Variants in CALCR observed in about 807,000 individuals in gnomAD.
CALCR encodes the protein calcitonin receptor.
CALCR carries 47 observed loss-of-function variants against 59.5 expected under a neutral mutation model. That is an observed-to-expected ratio of 0.79 (90% CI 0.63 to 1.01). The LOEUF (loss-of-function observed/expected upper bound fraction) is 1.01. Ranked by LOEUF, CALCR falls within the 50% of genes least tolerant of loss-of-function variation. The pLI is 0.00. For synonymous variants in CALCR, 213 were observed against 211.3 expected (o/e 1.01, Z -0.07); for missense variants, 566 against 597.1 (o/e 0.95, Z 0.54).
At position 93,439,361 on chromosome 7, in the gene CALCR, A is replaced by T. The variant is rs1584537318; in HGVS notation, c.803-1091T>A. ...TTATTCACAGCAGTTCTAACATACC[A>T]TTTTCCCACTTGGGCTCAGAAAGAG... is the stretch of plus-strand genomic sequence containing the variant. On this transcript the variant is annotated intron_variant, in intron 9 of 13. Coordinates refer to ENST00000426151, the MANE Select transcript of CALCR (RefSeq NM_001742.4). Among the ~76,000 whole-genome samples, 5 of 152,170 alleles carry T rather than the reference A, an allele frequency of 3.3e-5. No homozygotes were observed. In the South Asian group the frequency reaches 1.0e-3, roughly 32 times the overall value.
chr7:93,511,676 G>A (rs1801550894), intron 2 of CALCR, among the ~76,000 whole-genome samples: 1 of 152,192 alleles, frequency 6.6e-6, no homozygotes, highest in Non-Finnish European at 1.5e-5. Context: ...CTTTAAAACA[G>A]TTATTAAACA....
intron 9 of CALCR, among the ~76,000 whole-genome samples, chr7:93,442,113 T>C (rs757033): frequency 0.66 from 100,209 of 151,934 alleles, 33,572 homozygotes; most frequent in East Asian, 0.88. Context: ...AAAACAGATA[T>C]GCAAGGAAAA....
intron 2 of CALCR, among the ~76,000 whole-genome samples, chr7:93,503,237 G>T (rs1303409387): frequency 1.3e-5 from 2 of 152,102 alleles, no homozygotes; most frequent in Non-Finnish European, 2.9e-5. Flanking sequence ...GGAATATGCT[G>T]TTCTCAGGGC....
At chr7:93,467,606 T>C (rs1390580000) in intron 7 of CALCR, among the ~76,000 whole-genome samples, 1 of 151,692 alleles carries the variant, frequency 6.6e-6, no homozygotes, top group Admixed American at 6.6e-5. Flanking sequence ...TAATGTACCA[T>C]CTTTACCATT....
intron 6 of CALCR, 42 bp from the exon 7 acceptor site, chr7:93,468,848 A>T: frequency 8.5e-7 from 1 of 1,171,740 alleles, no homozygotes; most frequent in Non-Finnish European, 1.2e-6. Flanking sequence ...TGAATGAATG[A>T]TTCATCAGAG....
chr7:93,436,005 T>C lies in CALCR; in HGVS notation c.1096A>G (p.Lys366Glu). 6.2e-7 allele frequency: 1 copy of C among 1,613,726 alleles called. No individual in the cohort carries two copies. The highest frequency in any genetic ancestry group is 8.5e-7 in the Non-Finnish European group (1 of 1,179,704). ...FVVFPWRPSN[K>E]MLGKIYDYVM... ...TAATCATATATCTTCCCAAGCATCT[T>C]GTTGGAAGGTCTCCAGGGAAAGACG... Residue 366 changes from lysine to glutamate, a missense_variant, in exon 12 of 14, where the codon AAG becomes GAG. Lys to Glu is a moderately conservative substitution (Grantham distance 56, BLOSUM62 1). Transcript: ENST00000426151.
At chr7:93,522,850 A>G (rs1801793669) in intron 2 of CALCR, among the ~76,000 whole-genome samples, 2 of 152,288 alleles carry the variant, frequency 1.3e-5, no homozygotes, top group South Asian at 4.1e-4. Context: ...TTTTAAAGTC[A>G]TGTTCTGTTA....
intron 2 of CALCR, among the ~76,000 whole-genome samples, chr7:93,498,465 G>A (rs2080617297): frequency 6.6e-6 from 1 of 151,616 alleles, no homozygotes; most frequent in Non-Finnish European, 1.5e-5. Flanking sequence ...TAAGAAAAAG[G>A]CATTGTAACC....
intron 2 of CALCR, among the ~76,000 whole-genome samples, chr7:93,548,810 T>C (rs1237978148): frequency 1.3e-5 from 2 of 151,080 alleles, no homozygotes; most frequent in Non-Finnish European, 3.0e-5. Flanking sequence ...TGTGAGTTGA[T>C]AATAATTGCA....
chr7:93,436,917 A>G (rs1223491212), intron 11 of CALCR, among the ~76,000 whole-genome samples: 1 of 152,192 alleles, frequency 6.6e-6, no homozygotes, highest in Non-Finnish European at 1.5e-5. Context: ...CCTCTGCCCA[A>G]AAGTGCTGCT....
chr7:93,424,508 A>G lies in CALCR; in HGVS notation c.*1848T>C, dbSNP rs1203544281. ...GAATGAATGAAAAGATGAATAATAT[A>G]TTTCTTTAGAAAAATATGCAAATAT... On this transcript the variant is annotated 3_prime_UTR_variant, in exon 14 of 14. Transcript: ENST00000426151. The G allele has an allele frequency of 2.0e-5, 3 of 152,470 alleles. No homozygotes were observed. The highest frequency in any genetic ancestry group is 2.9e-5 in the Non-Finnish European group (2 of 67,996). The allele number at this position is 152,470 out of a possible 1,614,324, so 9.4% of individuals were successfully genotyped here.
chr7:93,508,879 C>G (rs1389251070), intron 2 of CALCR, among the ~76,000 whole-genome samples: 1 of 152,052 alleles, frequency 6.6e-6, no homozygotes, highest in Non-Finnish European at 1.5e-5. Context: ...CAGTAATGTA[C>G]CCCTGTAGTA....
At chr7:93,564,125 T>A (rs10238107) in intron 2 of CALCR, among the ~76,000 whole-genome samples, 103,311 of 151,872 alleles carry the variant, frequency 0.68, 36,323 homozygotes, top group African/African-American at 0.87. Flanking sequence ...TCTGGGAATC[T>A]GGGTTTGATC....
chr7:93,567,324 T>C (rs1472217975), intron 2 of CALCR, among the ~76,000 whole-genome samples: 2 of 152,084 alleles, frequency 1.3e-5, no homozygotes, highest in Non-Finnish European at 2.9e-5. Flanking sequence ...TGGACACATT[T>C]AGGGAAGTCT....
chr7:93,434,070 G>A (rs1182198121), intron 13 of CALCR, among the ~76,000 whole-genome samples, 183 bp downstream of exon 13: 4 of 152,182 alleles, frequency 2.6e-5, no homozygotes, highest in Non-Finnish European at 5.9e-5. Context: ...ATTTGCCATT[G>A]TACTACACAT....
chr7:93,439,056 T>C (rs1799844473), intron 9 of CALCR, among the ~76,000 whole-genome samples: 1 of 152,200 alleles, frequency 6.6e-6, no homozygotes, highest in Admixed American at 6.5e-5. Context: ...GTCTTTTTAC[T>C]CAGATGTACA....
intron 3 of CALCR, among the ~76,000 whole-genome samples, chr7:93,481,872 T>C (rs540416873): frequency 6.6e-6 from 1 of 152,022 alleles, no homozygotes; most frequent in South Asian, 2.1e-4. Context: ...TTTTGATATA[T>C]GACACTTTCC....
chr7:93,433,128 C>G (rs73219954), intron 13 of CALCR, among the ~76,000 whole-genome samples: 33,062 of 151,988 alleles, frequency 0.22, 4,019 homozygotes, highest in East Asian at 0.39. Flanking sequence ...TGTCATGTTG[C>G]GGTTGGAAAC....
Position 93,465,949 on chromosome 7 carries a change from A to G in CALCR, c.521+2766T>C, listed in dbSNP as rs529793793. On this transcript the variant is annotated intron_variant, in intron 7 of 13. Coordinates refer to ENST00000426151, the MANE Select transcript of CALCR (RefSeq NM_001742.4). ...TGCAGGCCTCCTAGGAGGCCTGCTC[A>G]TTTGAGGAGGACAGCTGCAGGGTTC... 1.8e-4 allele frequency among the ~76,000 whole-genome samples: 27 copies of G among 151,808 alleles called. No homozygotes were observed. In the South Asian group the frequency reaches 5.6e-3, roughly 31 times the overall value.
Sources: gnomAD v4.1 joint callset for allele counts (sites outside exome capture counted in the v4.1 genomes callset) on GRCh38, gnomAD v4.1.1 for gene constraint, MANE v1.5 for transcripts, NCBI Gene and HGNC (gene_info 2026-07-23, HGNC 2026-07-21) for gene names.